Variants in DNAH3 observed in about 807,000 individuals in gnomAD.
DNAH3 encodes dynein axonemal heavy chain 3.
Under a neutral mutation model 432.5 loss-of-function variants are expected in DNAH3, and 332 were observed. The observed-to-expected ratio is 0.77, with a 90% CI of 0.70 to 0.84. The LOEUF is 0.84. Among genes scored for constraint, DNAH3 ranks in the 40% least tolerant of loss-of-function variants. The pLI is 0.00. For missense variants in DNAH3, 4,861 were observed against 5,114.0 expected (o/e 0.95, Z 1.51); for synonymous variants, 1,956 against 1,900.2 (o/e 1.03, Z -0.76).
chr16:21,118,861 T>C (rs1490708970), intron 11 of DNAH3, among the ~76,000 whole-genome samples: 5 of 152,230 alleles, frequency 3.3e-5, no homozygotes, highest in Non-Finnish European at 7.3e-5. Flanking sequence ...GGCTGCAAAG[T>C]TCCTGCCTGG....
chr16:21,040,019 GGGAA>G, intron 32 of DNAH3, 76 bp from the exon 33 acceptor site: 15 of 1,240,920 alleles, frequency 1.2e-5, no homozygotes, highest in Non-Finnish European at 1.6e-5. Flanking sequence ...CAGAAGCAAA[GGGAA>G]GTAGCTTTGC....
At chr16:21,134,542 G>C (rs1426296380) in intron 6 of DNAH3, 88 bp from the exon 8 acceptor site, 3 of 1,286,082 alleles carry the variant, frequency 2.3e-6, no homozygotes, top group Middle Eastern at 1.9e-4. Flanking sequence ...TTTTAATATA[G>C]AGACGGGGTC....
At chr16:21,037,837 T>C in exon 34 of DNAH3, 1 of 1,614,182 alleles carries the variant, frequency 6.2e-7, no homozygotes, top group Non-Finnish European at 8.5e-7. Flanking sequence ...CAGGACACTT[T>C]CATTCTCCTC....
intron 25 of DNAH3, 96 bp downstream of exon 25, chr16:21,062,386 C>T (rs747227399): frequency 1.2e-4 from 119 of 971,142 alleles, no homozygotes; most frequent in Non-Finnish European, 1.7e-4. Flanking sequence ...TTCCATACCC[C>T]AGGCAGTCTG....
chr16:21,094,997 T>C (rs1373149167), intron 18 of DNAH3, among the ~76,000 whole-genome samples: 1 of 152,180 alleles, frequency 6.6e-6, no homozygotes, highest in East Asian at 1.9e-4. Context: ...TGTGAGTTCA[T>C]TAAACTTCTT....
intron 39 of DNAH3, among the ~76,000 whole-genome samples, chr16:21,024,277 G>A (rs1185355501): frequency 2.0e-5 from 3 of 152,154 alleles, no homozygotes; most frequent in Admixed American, 2.0e-4. Context: ...TGTTAGTGGG[G>A]CAATGAAGAA....
chr16:20,963,398 T>C (rs748192672), exon 53 of DNAH3: 4 of 1,614,008 alleles, frequency 2.5e-6, no homozygotes, highest in African/African-American at 2.7e-5. Flanking sequence ...AGCTTTCCCA[T>C]ATGTTCAGCA....
At chr16:20,967,872 C>G (rs911340937) in intron 52 of DNAH3, among the ~76,000 whole-genome samples, 2 of 152,080 alleles carry the variant, frequency 1.3e-5, no homozygotes, top group African/African-American at 4.8e-5. Context: ...GAAGTACTAT[C>G]TAGCTCATCT....
exon 25 of DNAH3, chr16:21,062,625 G>A (rs1353113955): frequency 6.2e-7 from 1 of 1,614,144 alleles, no homozygotes; most frequent in South Asian, 1.1e-5. Context: ...TGCACTCGGA[G>A]AGGGTCCTTT....
chr16:20,963,129 G>A (rs888898262), intron 53 of DNAH3, among the ~76,000 whole-genome samples, 155 bp downstream of exon 53: 3 of 152,182 alleles, frequency 2.0e-5, no homozygotes, highest in Non-Finnish European at 4.4e-5. Context: ...TCTATAGGCA[G>A]AAAAGGACGA....
At chr16:20,947,536 G>A (rs1031892731) in intron 57 of DNAH3, among the ~76,000 whole-genome samples, 1 of 152,088 alleles carries the variant, frequency 6.6e-6, no homozygotes. Flanking sequence ...ATTGGGGACT[G>A]AGCCCTCAAC....
intron 51 of DNAH3, among the ~76,000 whole-genome samples, chr16:20,970,368 A>G (rs2085282597): frequency 6.6e-6 from 1 of 152,170 alleles, no homozygotes; most frequent in Non-Finnish European, 1.5e-5. Flanking sequence ...TACTAAAAAT[A>G]CAAAAATTAG....
intron 41 of DNAH3, among the ~76,000 whole-genome samples, chr16:21,006,126 C>T (rs1216843058): frequency 6.6e-6 from 1 of 152,122 alleles, no homozygotes; most frequent in African/African-American, 2.4e-5. Context: ...CTGATTACTT[C>T]AATGTTTTTC....
At chr16:21,127,601 C>A in intron 8 of DNAH3, 86 bp downstream of exon 9, 1 of 1,524,396 alleles carries the variant, frequency 6.6e-7, no homozygotes, top group African/African-American at 1.4e-5. Flanking sequence ...TGGGACAAAC[C>A]CCAGGCTGGG....
rs751994710 is a variant in DNAH3, at chr16:21,098,571, A to G, written c.2520+45T>C. 25 of 1,558,768 alleles carry G rather than the reference A, an allele frequency of 1.6e-5. No individual in the cohort carries two copies. The South Asian group carries it at 3.0e-4, about 19-fold the overall frequency. On this transcript the variant is annotated intron_variant, in intron 17 of 61. Coordinates refer to ENST00000261383, the Ensembl canonical transcript of DNAH3. The stretch of plus-strand genomic sequence containing the variant: ...AATTCACAACCAAGGATCAGAACCA[A>G]TAGACCAGTACAGTGTCATAAGTCC...
chr16:21,154,352 C>A (rs2092885228), intron 1 of DNAH3, among the ~76,000 whole-genome samples: 1 of 151,870 alleles, frequency 6.6e-6, no homozygotes, highest in Non-Finnish European at 1.5e-5. Flanking sequence ...TTGCAGTAAG[C>A]TGAGATCACA....
chr16:20,980,590 G>A (rs116398932), intron 49 of DNAH3, among the ~76,000 whole-genome samples: 2,041 of 151,684 alleles, frequency 0.013, 37 homozygotes, highest in African/African-American at 0.047. Flanking sequence ...GGGTTGCTAT[G>A]TTGCCCAGGC....
At chr16:21,037,788 G>T in exon 34 of DNAH3, 1 of 1,614,180 alleles carries the variant, frequency 6.2e-7, no homozygotes, top group South Asian at 1.1e-5. Flanking sequence ...CTTGCGCTAA[G>T]AACTTGGCCA....
chr16:21,096,670 TTTTG>T (rs2091690315), intron 18 of DNAH3, among the ~76,000 whole-genome samples: 2 of 152,160 alleles, frequency 1.3e-5, no homozygotes, highest in South Asian at 4.1e-4. Context: ...GTTTGTTTTG[TTTTG>T]TTTTTTTCCC....
Sources: gnomAD v4.1 joint callset for allele counts (sites outside exome capture counted in the v4.1 genomes callset) on GRCh38, gnomAD v4.1.1 for gene constraint, MANE v1.5 for transcripts, NCBI Gene and HGNC (gene_info 2026-07-23, HGNC 2026-07-21) for gene names.